The following CA6 variants were observed in gnomAD, a reference collection of about 807,000 sequenced individuals.
CA6 encodes the protein carbonic anhydrase 6.
A neutral mutation model predicts 35.9 loss-of-function variants in CA6; 28 were observed. The observed-to-expected ratio is 0.78, with a 90% CI of 0.58 to 1.07. The LOEUF (loss-of-function observed/expected upper bound fraction) is 1.07, where lower values mean the gene tolerates loss of function less well. Ranked by LOEUF, CA6 falls within the 50% of genes least tolerant of loss-of-function variation. The pLI is 0.00. For missense variants in CA6, 377 were observed against 382.0 expected, an observed-to-expected ratio of 0.99 and a Z score of 0.11; for synonymous variants, 148 against 152.6, an observed-to-expected ratio of 0.97 and a Z score of 0.22.
intron 6 of CA6, among the ~76,000 whole-genome samples, chr1:8,968,719 A>G (rs79030790): frequency 0.012 from 1,823 of 152,298 alleles, 21 homozygotes; most frequent in Middle Eastern, 0.037. Context: ...AATAGTATCA[A>G]AAATTAATAA....
intron 3 of CA6, among the ~76,000 whole-genome samples, chr1:8,958,026 G>A (rs900695165): frequency 2.0e-5 from 3 of 152,168 alleles, no homozygotes; most frequent in Non-Finnish European, 2.9e-5. Context: ...TATTCACTCA[G>A]CAACTATTGA....
At position 8,957,091 on chromosome 1, in the gene CA6, C is replaced by T. The variant is rs371255478; in HGVS notation, c.260-46C>T. Reference sequence around the variant, plus strand: ...GCTACCCAGCCTGTAGGCCTGACCCCTCTGTGTTCACCTACTCTGCTCTCA... The same window carrying T: ...GCTACCCAGCCTGTAGGCCTGACCCTTCTGTGTTCACCTACTCTGCTCTCA... On this transcript the variant is annotated intron_variant, in intron 2 of 7. Coordinates refer to ENST00000377443, the MANE Select transcript of CA6 (RefSeq NM_001215.4). The T allele has an allele frequency of 1.0e-5, 16 of 1,533,482 alleles. No homozygotes were observed. The African/African-American group carries it at 1.4e-4, about 13-fold the overall frequency. The allele number at this position is 1,533,482 out of a possible 1,614,324, so 95.0% of individuals were successfully genotyped here. A position where few individuals can be genotyped will look rare whatever the true frequency, so the allele number is the denominator to read the frequency against.
At chr1:8,954,330 A>T (rs532694000) in intron 2 of CA6, among the ~76,000 whole-genome samples, 1 of 152,018 alleles carries the variant, frequency 6.6e-6, no homozygotes, top group Non-Finnish European at 1.5e-5. Flanking sequence ...ATGCTCCATT[A>T]AGTTTTATAA....
rs753810563 is a variant in CA6 at position 8,959,008 on chromosome 1, C to T, written c.501+6C>T. ...TACTGGCAGCCTTCGTTGAGGTAAG[C>T]AGAAACTACCCATGTGTGTCTGTAT... On this transcript the variant is annotated splice_donor_region_variant and intron_variant, in intron 4 of 7. Transcript: ENST00000377443. 7 of 1,558,720 alleles carry T rather than the reference C, an allele frequency of 4.5e-6. No individual in the cohort carries two copies. The South Asian group carries it at 6.7e-5, about 15-fold the overall frequency.
At chr1:8,949,128 C>T in intron 1 of CA6, 135 bp from the exon 2 acceptor site, 1 of 583,932 alleles carries the variant, frequency 1.7e-6, no homozygotes, top group South Asian at 2.7e-5. Flanking sequence ...TCTGGGGGAC[C>T]TGCTTCTGCT....
At chr1:8,966,999 T>A (rs944721845) in intron 5 of CA6, among the ~76,000 whole-genome samples, 2 of 149,132 alleles carry the variant, frequency 1.3e-5, no homozygotes, top group African/African-American at 5.1e-5. Context: ...AAAAAACAAC[T>A]TATTGTAGAG....
intron 2 of CA6, chr1:8,951,467 G>A (rs1200438099): frequency 2.6e-6 from 2 of 764,886 alleles, no homozygotes; most frequent in Non-Finnish European, 4.8e-6. Context: ...CTCTCCTTGT[G>A]GAGAAGGGGC....
chr1:8,973,104 C>T (rs1640151521), intron 7 of CA6, among the ~76,000 whole-genome samples: 1 of 152,134 alleles, frequency 6.6e-6, no homozygotes. Context: ...ACTGCAACCT[C>T]CGCCTCCCAG....
At chr1:8,970,829 GACTCTTCCCC>G (rs1472174021) in intron 6 of CA6, 28 bp from the exon 7 acceptor site, 3 of 1,234,944 alleles carry the variant, frequency 2.4e-6, no homozygotes, top group Non-Finnish European at 3.6e-6. Context: ...ATTACCCAGT[GACTCTTCCCC>G]TCCATAATGC....
chr1:8,945,997 T>C (rs1639352913), intron 1 of CA6, 32 bp downstream of exon 1: 1 of 1,391,372 alleles, frequency 7.2e-7, no homozygotes, highest in Non-Finnish European at 1.0e-6. Context: ...GCTCCCCCAG[T>C]TACCCTCACA....
intron 7 of CA6, among the ~76,000 whole-genome samples, 193 bp downstream of exon 7, chr1:8,971,174 G>A (rs542173751): frequency 6.6e-5 from 10 of 152,294 alleles, no homozygotes; most frequent in African/African-American, 2.4e-4. Context: ...AGGGATGCCA[G>A]TGAGTAGAAC....
At chr1:8,954,365 A>G (rs1251193797) in intron 2 of CA6, among the ~76,000 whole-genome samples, 3 of 152,192 alleles carry the variant, frequency 2.0e-5, no homozygotes, top group African/African-American at 7.2e-5. Flanking sequence ...GGGTTTCGCC[A>G]TGTCGGCCAG....
chr1:8,951,814 A>G (rs925713328), intron 2 of CA6: 1 of 381,830 alleles, frequency 2.6e-6, no homozygotes, highest in African/African-American at 2.4e-5. Context: ...AATTATATAT[A>G]TATTAAAAAC....
In CA6 at chr1:8,957,297, C is replaced by G. The variant is rs368972907; in HGVS notation, c.408+12C>G. On this transcript the variant is annotated intron_variant, in intron 3 of 7. Coordinates refer to ENST00000377443, the MANE Select transcript of CA6 (RefSeq NM_001215.4). ...GACATGTGATCGAGGTACCTGAGGA[C>G]CCCCACTGTGTCCTCTTTCCTTTGA... The G allele has an allele frequency of 1.3e-4, 215 of 1,601,032 alleles. No individual in the cohort carries two copies. Among genetic ancestry groups the G allele is most frequent in the Non-Finnish European group, 1.8e-4 (209 of 1,172,104 alleles).
chr1:8,962,689 AG>A, intron 5 of CA6, 33 bp downstream of exon 5: 1 of 1,568,762 alleles, frequency 6.4e-7, no homozygotes, highest in Non-Finnish European at 8.8e-7. Flanking sequence ...GCAGGAGGGA[AG>A]GGGAATGAGT....
At chr1:8,961,641 C>T (rs1639845625) in intron 4 of CA6, among the ~76,000 whole-genome samples, 1 of 152,114 alleles carries the variant, frequency 6.6e-6, no homozygotes, top group Non-Finnish European at 1.5e-5. Flanking sequence ...AGGCACGAGA[C>T]ATCTAGAAAA....
At chr1:8,960,463 A>G (rs1639809979) in intron 4 of CA6, among the ~76,000 whole-genome samples, 1 of 151,992 alleles carries the variant, frequency 6.6e-6, no homozygotes, top group South Asian at 2.1e-4. Flanking sequence ...AAAGAATTGA[A>G]GGAAAATATG....
At chr1:8,957,494 C>G (rs1246798303) in intron 3 of CA6, among the ~76,000 whole-genome samples, 1 of 152,298 alleles carries the variant, frequency 6.6e-6, no homozygotes, top group South Asian at 2.1e-4. Context: ...GCACCCGCCA[C>G]CATGCCCTAC....
At chr1:8,955,181 C>T (rs1208399487) in intron 2 of CA6, among the ~76,000 whole-genome samples, 2 of 152,112 alleles carry the variant, frequency 1.3e-5, no homozygotes, top group Non-Finnish European at 2.9e-5. Context: ...TTCAGACCAG[C>T]CTGGGCAACA....
Sources: allele counts gnomAD v4.1 joint callset (sites outside exome capture counted in the v4.1 genomes callset), GRCh38; gene constraint gnomAD v4.1.1; transcripts MANE v1.5; gene names NCBI Gene and HGNC (gene_info 2026-07-23, HGNC 2026-07-21).